Variants in FAM174A observed in about 807,000 individuals in gnomAD.
The protein encoded by FAM174A is family with sequence similarity 174 member A.
A neutral mutation model predicts 14.3 loss-of-function variants in FAM174A; 14 were observed. The observed-to-expected ratio is 0.98, with a 90% CI of 0.65 to 1.53. The LOEUF (loss-of-function observed/expected upper bound fraction) is 1.53, where lower values mean the gene tolerates loss of function less well. Among genes scored for constraint, FAM174A ranks in the 40% most tolerant of loss-of-function variants. The pLI is 0.00. For synonymous variants in FAM174A, 108 were observed against 111.4 expected (o/e 0.97, Z 0.19); for missense variants, 241 against 249.6 (o/e 0.97, Z 0.23).
chr5:100,571,728 T>A (rs1487956252), intron 2 of FAM174A, among the ~76,000 whole-genome samples: 1 of 149,514 alleles, frequency 6.7e-6, no homozygotes, highest in East Asian at 1.9e-4. Context: ...GTTACTTTAT[T>A]ATAAAGTAAT....
At chr5:100,549,599 C>G (rs1580365497) in intron 1 of FAM174A, among the ~76,000 whole-genome samples, 1 of 151,000 alleles carries the variant, frequency 6.6e-6, no homozygotes, top group East Asian at 1.9e-4. Flanking sequence ...TACATGAACA[C>G]GCTTTTGATT....
intron 2 of FAM174A, among the ~76,000 whole-genome samples, chr5:100,573,590 G>A (rs1405249925): frequency 6.6e-6 from 1 of 151,586 alleles, no homozygotes; most frequent in Non-Finnish European, 1.5e-5. Flanking sequence ...ACAAACAAAT[G>A]GAAGAACATT....
chr5:100,548,759 C>G (rs1580365108), intron 1 of FAM174A, among the ~76,000 whole-genome samples: 1 of 152,090 alleles, frequency 6.6e-6, no homozygotes, highest in Non-Finnish European at 1.5e-5. Context: ...TAATGCCTGG[C>G]ATATGTGCAT....
chr5:100,578,571 T>G (rs1746947002), intron 2 of FAM174A, among the ~76,000 whole-genome samples: 1 of 151,092 alleles, frequency 6.6e-6, no homozygotes, highest in Admixed American at 6.6e-5. Flanking sequence ...TAGGCCAAGG[T>G]TTTTTGTCCT....
intron 1 of FAM174A, among the ~76,000 whole-genome samples, chr5:100,555,310 T>C (rs1159806115): frequency 1.3e-5 from 2 of 152,098 alleles, no homozygotes; most frequent in African/African-American, 4.8e-5. Context: ...TGCCACATTT[T>C]CTTAATCCAG....
Position 100,580,950 on chromosome 5 carries a change from T to G in FAM174A, c.570-5231T>G, listed in dbSNP as rs115637959. 3.1e-3 allele frequency among the ~76,000 whole-genome samples: 476 copies of G among 152,202 alleles called. 3 individuals are homozygous for G. Among genetic ancestry groups the G allele is most frequent in the African/African-American group, 0.011 (457 of 41,560 alleles). Reference sequence around the variant, plus strand: ...TGTTGTTTGTTTGTTTGTTTTGAGATAGATTTTGGCTCTCGTTGCCCAGGC... The same window carrying G: ...TGTTGTTTGTTTGTTTGTTTTGAGAGAGATTTTGGCTCTCGTTGCCCAGGC... On this transcript the variant is annotated intron_variant, in intron 2 of 2. Transcript: ENST00000312637.
At chr5:100,576,074 AG>A (rs757217201) in intron 2 of FAM174A, among the ~76,000 whole-genome samples, 8 of 152,212 alleles carry the variant, frequency 5.3e-5, no homozygotes, top group Non-Finnish European at 7.3e-5. Flanking sequence ...AGCTTTTTGT[AG>A]TCAGCTCTTT....
At chr5:100,537,619 G>A (rs1038645805) in intron 1 of FAM174A, among the ~76,000 whole-genome samples, 15 of 152,150 alleles carry the variant, frequency 9.9e-5, no homozygotes, top group African/African-American at 3.6e-4. Context: ...GCTAGATATT[G>A]TTGGTTCACA....
chr5:100,572,305 G>T (rs1156315793), intron 2 of FAM174A, among the ~76,000 whole-genome samples: 44 of 145,184 alleles, frequency 3.0e-4, no homozygotes, highest in African/African-American at 1.1e-3. Context: ...CATTGTGCAG[G>T]TTAGTTACAT....
chr5:100,562,240 AG>A (rs1746540131), intron 2 of FAM174A, 52 bp downstream of exon 2: 2 of 1,489,464 alleles, frequency 1.3e-6, no homozygotes, highest in Non-Finnish European at 1.8e-6. Flanking sequence ...GTCCTTGCCA[AG>A]TAAACTGAAG....
intron 2 of FAM174A, among the ~76,000 whole-genome samples, chr5:100,577,448 T>C (rs1746924791): frequency 6.6e-6 from 1 of 152,152 alleles, no homozygotes; most frequent in Non-Finnish European, 1.5e-5. Context: ...TGATTACATT[T>C]TGTGCTCAAT....
intron 2 of FAM174A, among the ~76,000 whole-genome samples, chr5:100,562,591 C>T (rs539904295): frequency 1.3e-5 from 2 of 150,408 alleles, no homozygotes; most frequent in East Asian, 3.9e-4. Context: ...TGTGTGTGTG[C>T]ATGTGTGTTT....
chr5:100,544,121 G>A (rs372543579), intron 1 of FAM174A, among the ~76,000 whole-genome samples: 1 of 152,082 alleles, frequency 6.6e-6, no homozygotes, highest in Non-Finnish European at 1.5e-5. Flanking sequence ...CAGCATTTTG[G>A]GATTCTGAGG....
intron 1 of FAM174A, among the ~76,000 whole-genome samples, chr5:100,544,408 G>GGAGAGA (rs144016021): frequency 6.8e-6 from 1 of 146,328 alleles, no homozygotes. Flanking sequence ...ATGAGATCCT[G>GGAGAGA]GAGAGAGAGA....
chr5:100,547,689 A>G (rs1580364685), intron 1 of FAM174A, among the ~76,000 whole-genome samples: 1 of 152,270 alleles, frequency 6.6e-6, no homozygotes, highest in South Asian at 2.1e-4. Context: ...CTTAAAGGGT[A>G]TCACTATGAG....
At chr5:100,542,370 T>C (rs189905684) in intron 1 of FAM174A, among the ~76,000 whole-genome samples, 9 of 152,354 alleles carry the variant, frequency 5.9e-5, no homozygotes, top group African/African-American at 2.2e-4. Flanking sequence ...CTACACAGTT[T>C]CTCAAACTAG....
chr5:100,575,168 A>G (rs2112399826), intron 2 of FAM174A, among the ~76,000 whole-genome samples: 1 of 152,212 alleles, frequency 6.6e-6, no homozygotes, highest in South Asian at 2.1e-4. Flanking sequence ...CAGACTCCCA[A>G]AATAAAGCAT....
chr5:100,552,200 C>T (rs939750771), intron 1 of FAM174A, among the ~76,000 whole-genome samples: 4 of 152,146 alleles, frequency 2.6e-5, no homozygotes, highest in African/African-American at 7.2e-5. Context: ...TAGACAACTA[C>T]AATTGTGGTT....
intron 2 of FAM174A, among the ~76,000 whole-genome samples, chr5:100,570,372 A>G (rs1746755833): frequency 2.6e-5 from 4 of 151,992 alleles, no homozygotes; most frequent in African/African-American, 9.7e-5. Context: ...GATATTAGAG[A>G]TTAAACATGC....
Sources: allele counts gnomAD v4.1 joint callset (sites outside exome capture counted in the v4.1 genomes callset), GRCh38; gene constraint gnomAD v4.1.1; transcripts MANE v1.5; gene names NCBI Gene and HGNC (gene_info 2026-07-23, HGNC 2026-07-21).